ORC4: variants seen among roughly 807,000 people sequenced by gnomAD.
The protein encoded by ORC4 is origin recognition complex, subunit 4 homolog.
ORC4 carries 55 observed loss-of-function variants against 63.9 expected under a neutral mutation model. That is an observed-to-expected ratio of 0.86 (90% CI 0.69 to 1.08). The LOEUF is 1.08. Ranked by LOEUF, ORC4 falls within the 50% of genes least tolerant of loss-of-function variation. ORC4 has a pLI of 0.00. For missense variants in ORC4, 511 were observed against 504.4 expected, an observed-to-expected ratio of 1.01 and a Z score of -0.13; for synonymous variants, 150 against 168.5, an observed-to-expected ratio of 0.89 and a Z score of 0.85.
chr2:147,958,378 G>T lies in ORC4; in HGVS notation c.307C>A (p.Leu103Met). 6.2e-7 allele frequency: 1 copy of T among 1,608,532 alleles called. No individual in the cohort carries two copies. The highest frequency in any genetic ancestry group is 8.5e-7 in the Non-Finnish European group (1 of 1,175,474). Residue 103 changes from leucine (L) to methionine (M), a missense_variant, in exon 6 of 14, where the codon CTG becomes ATG. By Grantham distance (15) the Leu-to-Met change is conservative. Transcript: ENST00000392857. ...AGGGCGATTTTGTCATTGATCTGCA[G>T]CAGTCCTAAAATAAAGTCCATTTAA... ...NVLQVHLNGL[L>M]QINDKIALKE...
chr2:147,935,421 ATG>A lies in ORC4; in HGVS notation c.*87_*88del, dbSNP rs1368959000. The A allele has an allele frequency of 1.1e-6, 1 of 951,842 alleles. No homozygotes were observed. The highest frequency in any genetic ancestry group is 1.8e-5 in the Admixed American group (1 of 54,868). 59.0% of individuals were successfully genotyped at this position (951,842 alleles called of 1,614,324 possible). A position where few individuals can be genotyped will look rare whatever the true frequency, so the allele number is the denominator to read the frequency against. Reference sequence around the variant, plus strand: ...ACATAAATACAAGAATGTTTATAGAATGTTTAGCATATCATGTTAATGGACAA... The same window carrying A: ...ACATAAATACAAGAATGTTTATAGAATTTAGCATATCATGTTAATGGACAA... On this transcript the variant is annotated 3_prime_UTR_variant, in exon 14 of 14. Transcript: ENST00000392857.
Position 147,939,194 on chromosome 2 carries a change from G to T in ORC4, c.904C>A (p.Leu302Ile). The T allele has an allele frequency of 6.2e-7, 1 of 1,612,948 alleles. No homozygotes were observed. The highest frequency in any genetic ancestry group is 8.5e-7 in the Non-Finnish European group (1 of 1,179,136). ...CTACACAGTTGGCTTGCTTCCATTA[G>T]ATCTACGGCAGTCATAAATGGGTGC... Reference protein sequence around the residue: ...ASHPFMTAVDLMEASQLCSMD... With the variant: ...ASHPFMTAVDIMEASQLCSMD... Residue 302 changes from leucine to isoleucine, a missense_variant, in exon 11 of 14, where the codon CTA becomes ATA. By Grantham distance (5) the Leu-to-Ile change is conservative. Coordinates refer to ENST00000392857, the MANE Select transcript of ORC4 (RefSeq NM_181741.4).
intron 10 of ORC4, among the ~76,000 whole-genome samples, chr2:147,940,298 T>C (rs1386016912): frequency 1.3e-5 from 2 of 152,174 alleles, no homozygotes; most frequent in East Asian, 3.8e-4. Flanking sequence ...CAGTATACAC[T>C]GCATCATATT....
chr2:148,009,997 A>G (rs962634367), intron 1 of ORC4, among the ~76,000 whole-genome samples: 12 of 152,226 alleles, frequency 7.9e-5, no homozygotes, highest in Non-Finnish European at 1.8e-4. Flanking sequence ...AGTCTGATAA[A>G]AAGTATATTT....
At chr2:147,938,990 AC>A in intron 11 of ORC4, 149 bp downstream of exon 11, 1 of 605,562 alleles carries the variant, frequency 1.7e-6, no homozygotes, top group Non-Finnish European at 3.0e-6. Flanking sequence ...GAGTGATAGT[AC>A]CTTTAAAAGG....
chr2:148,008,788 C>T lies in ORC4; in HGVS notation c.-18+11845G>A, dbSNP rs17218833. On this transcript the variant is annotated intron_variant, in intron 1 of 13. Coordinates refer to ENST00000392857, the MANE Select transcript of ORC4 (RefSeq NM_181741.4). ...GCCACATACGTCAGGGATTAGAACCCCTTCCCATCCCTTGTCCAAATGTGC... is the reference window on the plus strand; with the variant it reads ...GCCACATACGTCAGGGATTAGAACCTCTTCCCATCCCTTGTCCAAATGTGC... Among the ~76,000 whole-genome samples, 844 of 152,276 alleles carry T rather than the reference C, an allele frequency of 5.5e-3. 3 individuals carry two copies. The highest frequency in any genetic ancestry group is 9.6e-3 in the Non-Finnish European group (654 of 68,034).
intron 1 of ORC4, among the ~76,000 whole-genome samples, chr2:147,988,137 A>G (rs1368306446): frequency 6.6e-6 from 1 of 152,086 alleles, no homozygotes; most frequent in Non-Finnish European, 1.5e-5. Flanking sequence ...AACTTAACTA[A>G]TATTTAATAT....
chr2:147,991,092 G>T (rs1052228851), intron 1 of ORC4, among the ~76,000 whole-genome samples: 16 of 142,352 alleles, frequency 1.1e-4, no homozygotes, highest in African/African-American at 4.3e-4. Context: ...TCTGTCGCCT[G>T]GCTGGAGTGC....
intron 1 of ORC4, among the ~76,000 whole-genome samples, 190 bp downstream of exon 1, chr2:148,020,443 T>C (rs184268630): frequency 4.0e-5 from 6 of 151,816 alleles, no homozygotes; most frequent in African/African-American, 1.5e-4. Context: ...GGGGCGGGAG[T>C]GGCCACAAGA....
At chr2:147,993,233 T>TA (rs1307358807) in intron 1 of ORC4, among the ~76,000 whole-genome samples, 2 of 152,230 alleles carry the variant, frequency 1.3e-5, no homozygotes, top group African/African-American at 4.8e-5. Flanking sequence ...TTTCTCCTAT[T>TA]AATCTGCCTT....
intron 8 of ORC4, among the ~76,000 whole-genome samples, chr2:147,949,250 C>A (rs1007318724): frequency 6.6e-6 from 1 of 151,824 alleles, no homozygotes; most frequent in African/African-American, 2.4e-5. Context: ...TATATCTACA[C>A]AACAGAATAT....
intron 1 of ORC4, among the ~76,000 whole-genome samples, chr2:148,009,053 C>A (rs755949719): frequency 6.6e-6 from 1 of 151,908 alleles, no homozygotes; most frequent in South Asian, 2.1e-4. Context: ...TTTTTCTGTG[C>A]GTGTATTTTT....
At chr2:147,936,101 T>G (rs999628140) in intron 13 of ORC4, among the ~76,000 whole-genome samples, 2 of 152,198 alleles carry the variant, frequency 1.3e-5, no homozygotes, top group African/African-American at 4.8e-5. Flanking sequence ...TGCATTTATA[T>G]TTTGTCTGTC....
At chr2:147,948,935 T>A (rs2105288245) in intron 8 of ORC4, among the ~76,000 whole-genome samples, 1 of 149,836 alleles carries the variant, frequency 6.7e-6, no homozygotes, top group Admixed American at 6.7e-5. Flanking sequence ...GAACTGTCAT[T>A]CCTAAATCTC....
intron 1 of ORC4, among the ~76,000 whole-genome samples, chr2:148,007,860 C>T (rs1337711104): frequency 1.3e-5 from 2 of 152,146 alleles, no homozygotes; most frequent in African/African-American, 2.4e-5. Context: ...AGGAGTTATA[C>T]TACATCTGGC....
intron 1 of ORC4, among the ~76,000 whole-genome samples, chr2:148,002,877 A>T (rs569590646): frequency 6.6e-6 from 1 of 151,774 alleles, no homozygotes; most frequent in African/African-American, 2.4e-5. Flanking sequence ...CCAGACTAAT[A>T]AAGAAAAGAG....
intron 9 of ORC4, among the ~76,000 whole-genome samples, chr2:147,945,541 T>G (rs1336428297): frequency 6.6e-6 from 1 of 152,124 alleles, no homozygotes; most frequent in Non-Finnish European, 1.5e-5. Flanking sequence ...AGATTTCATT[T>G]GAGGAGAATA....
At chr2:148,009,382 A>C in intron 1 of ORC4, among the ~76,000 whole-genome samples, 1 of 152,160 alleles carries the variant, frequency 6.6e-6, no homozygotes. Context: ...AAGACGGAAA[A>C]AGATACTGCA....
intron 4 of ORC4, among the ~76,000 whole-genome samples, chr2:147,971,572 T>C (rs1437486964): frequency 6.6e-6 from 1 of 151,780 alleles, no homozygotes; most frequent in Admixed American, 6.6e-5. Context: ...TATATACCTA[T>C]TAGAATGGTT....
Sources: allele counts gnomAD v4.1 joint callset (sites outside exome capture counted in the v4.1 genomes callset), GRCh38; gene constraint gnomAD v4.1.1; transcripts MANE v1.5; gene names NCBI Gene and HGNC (gene_info 2026-07-23, HGNC 2026-07-21).